Variants in HRH1 observed in about 807,000 individuals in gnomAD.
The protein encoded by HRH1 is histamine H1 receptor.
HRH1 carries 6 observed loss-of-function variants against 10.3 expected under a neutral mutation model. The observed-to-expected ratio is 0.58, with a 90% CI of 0.32 to 1.15. The LOEUF (loss-of-function observed/expected upper bound fraction) is 1.15. HRH1 is among the 50% of genes most tolerant of loss of function. The pLI is 0.05. For missense variants in HRH1, 514 were observed against 615.3 expected, an observed-to-expected ratio of 0.84 and a Z score of 1.74; for synonymous variants, 242 against 236.7, an observed-to-expected ratio of 1.02 and a Z score of -0.21.
At chr3:11,159,633 G>A (rs1465064269) in intron 1 of HRH1, among the ~76,000 whole-genome samples, 1 of 152,138 alleles carries the variant, frequency 6.6e-6, no homozygotes, top group African/African-American at 2.4e-5. Context: ...ATGAGTTCAT[G>A]AGTGCTGTTC....
chr3:11,159,129 TC>T (rs1209657281), intron 1 of HRH1, among the ~76,000 whole-genome samples: 3 of 152,272 alleles, frequency 2.0e-5, no homozygotes, highest in African/African-American at 7.2e-5. Flanking sequence ...ATGCCTGTAG[TC>T]CCAGCTACTT....
In HRH1 at chr3:11,202,434, A is replaced by ATAAATAAATAAATAAT. The variant is rs1314713595; in HGVS notation, c.-36+47883_-36+47884insATAAATAAATAATTAA. Reference sequence around the variant, plus strand: ...AATAAATAAATAAATAAATAAATAAATAATTAATTAAAAATAAAGGGAACC... The same window carrying ATAAATAAATAAATAAT: ...AATAAATAAATAAATAAATAAATAAATAAATAAATAAATAATTAATTAATTAAAAATAAAGGGAACC... On this transcript the variant is annotated intron_variant, in intron 1 of 1. Coordinates refer to ENST00000431010, the MANE Select transcript of HRH1 (RefSeq NM_001098212.2). Among the ~76,000 whole-genome samples the ATAAATAAATAAATAAT allele has an allele frequency of 2.8e-3, 412 of 148,408 alleles. 3 individuals are homozygous for ATAAATAAATAAATAAT. Among genetic ancestry groups the ATAAATAAATAAATAAT allele is most frequent in the African/African-American group, 9.7e-3 (392 of 40,580 alleles).
At chr3:11,257,571 A>AAAAT (rs1170841256) in intron 1 of HRH1, among the ~76,000 whole-genome samples, 5 of 152,106 alleles carry the variant, frequency 3.3e-5, no homozygotes, top group Non-Finnish European at 7.3e-5. Flanking sequence ...AAAAAAAAAA[A>AAAAT]AAAATCTTAA....
At chr3:11,206,116 CTTTG>C (rs1163319276) in intron 1 of HRH1, among the ~76,000 whole-genome samples, 1 of 151,864 alleles carries the variant, frequency 6.6e-6, no homozygotes, top group African/African-American at 2.4e-5. Context: ...GTTTTCACAT[CTTTG>C]TTTTTTTGTT....
In HRH1 at chr3:11,259,678, A is replaced by G; in HGVS notation, c.641A>G (p.Tyr214Cys). 1 of 1,614,120 alleles carries G rather than the reference A, an allele frequency of 6.2e-7. No individual in the cohort carries two copies. Among genetic ancestry groups the G allele is most frequent in the South Asian group, 1.1e-5 (1 of 91,066 alleles). ...ATGCTCTGGTTCTATGCCAAGATCT[A>G]CAAGGCCGTACGACAACACTGCCAG... The part of the protein sequence containing the change: ...LLMLWFYAKI[Y>C]KAVRQHCQHR... The change falls in exon 2 of 2, where the codon TAC becomes TGC. Residue 214 changes from tyrosine (Y) to cysteine (C), a missense_variant. Transcript: ENST00000431010. The surrounding 1 kb of genome is among the most constrained non-coding windows in gnomAD (Gnocchi z 4.6).
intron 1 of HRH1, among the ~76,000 whole-genome samples, chr3:11,142,111 C>T (rs1419700341): frequency 6.6e-6 from 1 of 152,248 alleles, no homozygotes. Flanking sequence ...CCCAAGTTCC[C>T]TGGCTTCTAG....
At chr3:11,191,405 C>T (rs1468036440) in intron 1 of HRH1, among the ~76,000 whole-genome samples, 1 of 152,114 alleles carries the variant, frequency 6.6e-6, no homozygotes, top group East Asian at 1.9e-4. Context: ...GTCAAAGACC[C>T]ACCTCCCCCT....
intron 1 of HRH1, among the ~76,000 whole-genome samples, chr3:11,219,950 GTTTTTTTTTT>G (rs552227637): frequency 1.8e-5 from 2 of 110,362 alleles, no homozygotes; most frequent in South Asian, 2.8e-4. Flanking sequence ...TTAATGTGTT[GTTTTTTTTTT>G]TTTTTTTTTT....
At chr3:11,229,680 A>G (rs530071997) in intron 1 of HRH1, among the ~76,000 whole-genome samples, 156 of 152,296 alleles carry the variant, frequency 1.0e-3, no homozygotes, top group Non-Finnish European at 1.5e-3. Flanking sequence ...GTTTCTCTTT[A>G]ACAAAGCAAA....
chr3:11,168,091 T>C (rs1385849639), intron 1 of HRH1, among the ~76,000 whole-genome samples: 1 of 151,748 alleles, frequency 6.6e-6, no homozygotes, highest in Non-Finnish European at 1.5e-5. Flanking sequence ...GGATGGGCAA[T>C]GTTCGAGTCA....
chr3:11,180,241 C>T (rs755385537), intron 1 of HRH1, among the ~76,000 whole-genome samples: 1 of 152,182 alleles, frequency 6.6e-6, no homozygotes, highest in Non-Finnish European at 1.5e-5. Context: ...TACACTCACT[C>T]TCCACTTCCT....
intron 1 of HRH1, among the ~76,000 whole-genome samples, chr3:11,202,550 C>T (rs1394134181): frequency 6.6e-6 from 1 of 152,118 alleles, no homozygotes; most frequent in Non-Finnish European, 1.5e-5. Flanking sequence ...CTCCTGGCCC[C>T]CACCCTCCTC....
At position 11,147,592 on chromosome 3, in the gene HRH1, A is replaced by G. The variant is rs182185681; in HGVS notation, c.-36+10193A>G. 2.6e-5 allele frequency among the ~76,000 whole-genome samples: 4 copies of G among 152,292 alleles called. No individual in the cohort carries two copies. In the East Asian group the frequency reaches 7.7e-4, roughly 29 times the overall value. ...AAAACAACGATGTGACAAGACTGTG[A>G]TCCCATTCCAGTAGGTGTAGAAAAA... On this transcript the variant is annotated intron_variant, in intron 1 of 1. Transcript: ENST00000438284.
chr3:11,217,720 T>G (rs181898438), intron 1 of HRH1, among the ~76,000 whole-genome samples: 1 of 152,232 alleles, frequency 6.6e-6, no homozygotes, highest in Non-Finnish European at 1.5e-5. Context: ...TGGTAAATTC[T>G]GTATTATATA....
chr3:11,166,315 G>C (rs1204220051), intron 1 of HRH1, among the ~76,000 whole-genome samples: 1 of 152,152 alleles, frequency 6.6e-6, no homozygotes, highest in African/African-American at 2.4e-5. Context: ...GGGGAGAAAC[G>C]CTCTTCCCAA....
chr3:11,176,035 T>G (rs1407084624), intron 1 of HRH1, among the ~76,000 whole-genome samples: 1 of 151,928 alleles, frequency 6.6e-6, no homozygotes, highest in Non-Finnish European at 1.5e-5. Context: ...TAGCCAGGCA[T>G]GGTGGTACAC....
rs76555613 is a variant in HRH1, at chr3:11,245,061, C to T, written c.-35-13942C>T. On this transcript the variant is annotated intron_variant, in intron 1 of 1. Coordinates refer to ENST00000431010, the MANE Select transcript of HRH1 (RefSeq NM_001098212.2). ...AATGGTAGGACCAAGGTTAAGAAAC[C>T]CTGAGTTAGGGCCAGGTGTGGTGGC... Among the ~76,000 whole-genome samples, 31 of 152,214 alleles carry T rather than the reference C, an allele frequency of 2.0e-4. No individual in the cohort carries two copies. In the East Asian group the frequency reaches 4.8e-3, roughly 24 times the overall value.
chr3:11,220,694 G>A (rs146854281), intron 1 of HRH1, among the ~76,000 whole-genome samples: 26 of 152,250 alleles, frequency 1.7e-4, no homozygotes, highest in African/African-American at 3.4e-4. Flanking sequence ...ATCGGGCTGC[G>A]CTGAACTTAA....
At chr3:11,150,085 G>A (rs1936568990), upstream of HRH1, among the ~76,000 whole-genome samples, 1 of 152,236 alleles carries the variant, frequency 6.6e-6, no homozygotes, top group Admixed American at 6.5e-5. Flanking sequence ...ATAAATGAAA[G>A]TGCCTTTCTG....
Sources: allele counts gnomAD v4.1 joint callset (sites outside exome capture counted in the v4.1 genomes callset), GRCh38; gene constraint gnomAD v4.1.1; non-coding constraint Gnocchi (gnomAD v3.1); transcripts MANE v1.5; gene names NCBI Gene and HGNC (gene_info 2026-07-23, HGNC 2026-07-21).